The following FOXP2 variants were observed in gnomAD, a reference collection of about 807,000 sequenced individuals.
FOXP2 encodes forkhead box protein P2.
Under a neutral mutation model 115.8 loss-of-function variants are expected in FOXP2, and 12 were observed. The ratio of observed to expected loss-of-function variants is 0.10; its 90% CI spans 0.07 to 0.17. The LOEUF (loss-of-function observed/expected upper bound fraction) is 0.17. Ranked by LOEUF, FOXP2 falls within the 10% of genes least tolerant of loss-of-function variation. The probability of loss-of-function intolerance (pLI) is 1.00; values close to 1 mark genes in which losing one functional copy is unlikely to be tolerated. For missense variants in FOXP2, 629 were observed against 843.5 expected, an observed-to-expected ratio of 0.75 and a Z score of 3.15; for synonymous variants, 328 against 297.7, an observed-to-expected ratio of 1.10 and a Z score of -1.05.
intron 1 of FOXP2, among the ~76,000 whole-genome samples, chr7:114,221,135 A>G (rs1275632271): frequency 1.3e-5 from 2 of 152,144 alleles, no homozygotes; most frequent in African/African-American, 2.4e-5. Context: ...TTAAATTACT[A>G]AATTTCAGGT....
chr7:114,128,945 C>A (rs1401160638), intron 1 of FOXP2, among the ~76,000 whole-genome samples: 1 of 152,110 alleles, frequency 6.6e-6, no homozygotes, highest in Non-Finnish European at 1.5e-5. Flanking sequence ...TTCATCCTCT[C>A]TATTTCTTAT....
chr7:114,471,396 A>T (rs1796039034), intron 2 of FOXP2, among the ~76,000 whole-genome samples: 1 of 152,096 alleles, frequency 6.6e-6, no homozygotes, highest in South Asian at 2.1e-4. Flanking sequence ...CCATAACATG[A>T]CACTTTGCAT....
chr7:114,542,164 T>C (rs1051834089), intron 3 of FOXP2, among the ~76,000 whole-genome samples: 1 of 152,158 alleles, frequency 6.6e-6, no homozygotes, highest in Non-Finnish European at 1.5e-5. Context: ...TCTACTGCTT[T>C]CTTTTCTCCT....
intron 1 of FOXP2, among the ~76,000 whole-genome samples, chr7:114,225,126 G>A (rs190578405): frequency 1.2e-3 from 184 of 151,818 alleles, no homozygotes; most frequent in African/African-American, 4.3e-3. Flanking sequence ...TTAGGATTTT[G>A]GTCTATAATT....
At chr7:114,121,772 G>C (rs978359057) in intron 1 of FOXP2, among the ~76,000 whole-genome samples, 12 of 152,078 alleles carry the variant, frequency 7.9e-5, no homozygotes, top group African/African-American at 2.9e-4. Flanking sequence ...ATTGTGCTTA[G>C]TGTTTTAAAG....
At chr7:114,510,118 T>A (rs1426776768) in intron 2 of FOXP2, among the ~76,000 whole-genome samples, 4 of 152,162 alleles carry the variant, frequency 2.6e-5, no homozygotes, top group African/African-American at 2.4e-5. Context: ...CTTTCATGGC[T>A]TATTAGAAGT....
chr7:114,143,094 G>A (rs1026395526), intron 1 of FOXP2, among the ~76,000 whole-genome samples: 1 of 151,124 alleles, frequency 6.6e-6, no homozygotes, highest in Non-Finnish European at 1.5e-5. Context: ...GCTGCCATGA[G>A]CTGTGGTTGT....
intron 1 of FOXP2, among the ~76,000 whole-genome samples, chr7:114,244,242 G>T (rs1209741836): frequency 1.3e-5 from 2 of 152,048 alleles, no homozygotes; most frequent in Admixed American, 1.3e-4. Flanking sequence ...CATTAGTATG[G>T]TATATTTGTC....
At chr7:114,616,829 G>A (rs571575960) in intron 3 of FOXP2, among the ~76,000 whole-genome samples, 33 of 152,140 alleles carry the variant, frequency 2.2e-4, no homozygotes, top group Non-Finnish European at 4.0e-4. Context: ...AATCCCAGTG[G>A]TTTGGCAGCT....
chr7:114,536,894 C>A (rs1346789121), intron 3 of FOXP2, among the ~76,000 whole-genome samples: 3 of 151,246 alleles, frequency 2.0e-5, no homozygotes, highest in Non-Finnish European at 3.0e-5. Flanking sequence ...AAAATGTGAG[C>A]CTTCATTTTT....
At chr7:114,624,094 C>T (rs912139526) in intron 3 of FOXP2, among the ~76,000 whole-genome samples, 1 of 151,762 alleles carries the variant, frequency 6.6e-6, no homozygotes, top group African/African-American at 2.4e-5. Context: ...GCTGGCATTC[C>T]AATGCAATAA....
intron 7 of FOXP2, among the ~76,000 whole-genome samples, chr7:114,644,086 G>A (rs1284715609): frequency 6.6e-6 from 1 of 152,082 alleles, no homozygotes; most frequent in Non-Finnish European, 1.5e-5. Context: ...TTTGATGATT[G>A]TGTATTCCAA....
chr7:114,303,593 T>C (rs1177261365), intron 2 of FOXP2, among the ~76,000 whole-genome samples: 1 of 152,084 alleles, frequency 6.6e-6, no homozygotes, highest in Non-Finnish European at 1.5e-5. Context: ...TAATCTCTTT[T>C]AGAACCAGAG....
At chr7:114,463,392 C>T (rs1005169865) in intron 2 of FOXP2, among the ~76,000 whole-genome samples, 1 of 152,228 alleles carries the variant, frequency 6.6e-6, no homozygotes, top group Non-Finnish European at 1.5e-5. Flanking sequence ...CCACTATCCA[C>T]ATGTGGCTAC....
At chr7:114,440,953 T>C (rs992740409) in intron 2 of FOXP2, among the ~76,000 whole-genome samples, 2 of 152,158 alleles carry the variant, frequency 1.3e-5, no homozygotes, top group Non-Finnish European at 2.9e-5. Flanking sequence ...TCCATAATAA[T>C]CTTAGAAATT....
chr7:114,095,484 T>G (rs1799627054), intron 1 of FOXP2, among the ~76,000 whole-genome samples: 1 of 151,818 alleles, frequency 6.6e-6, no homozygotes, highest in African/African-American at 2.4e-5. Flanking sequence ...CTTATCCTAA[T>G]AGGTATCTTA....
intron 2 of FOXP2, among the ~76,000 whole-genome samples, chr7:114,506,304 TTGTC>T (rs1797815436): frequency 1.3e-5 from 2 of 151,714 alleles, no homozygotes; most frequent in Admixed American, 1.3e-4. Flanking sequence ...TTTTGTTTGT[TTGTC>T]TTATTTCTAC....
chr7:114,467,589 C>A (rs1795861698), intron 2 of FOXP2, among the ~76,000 whole-genome samples: 1 of 152,148 alleles, frequency 6.6e-6, no homozygotes, highest in Non-Finnish European at 1.5e-5. Flanking sequence ...CTCCTTACTT[C>A]TTACTGCCTT....
chr7:114,194,968 A>G (rs139470514), intron 1 of FOXP2, among the ~76,000 whole-genome samples: 2 of 152,242 alleles, frequency 1.3e-5, no homozygotes, highest in African/African-American at 4.8e-5. Context: ...CTTAATGTAT[A>G]TCATTTTTAA....
Sources: gnomAD v4.1 joint callset for allele counts (sites outside exome capture counted in the v4.1 genomes callset) on GRCh38, gnomAD v4.1.1 for gene constraint, MANE v1.5 for transcripts, NCBI Gene and HGNC (gene_info 2026-07-23, HGNC 2026-07-21) for gene names.